The following ALS2 variants were observed in gnomAD, a reference collection of about 807,000 sequenced individuals.
ALS2 encodes alsin Rho guanine nucleotide exchange factor ALS2.
Under a neutral mutation model 203.4 loss-of-function variants are expected in ALS2, and 117 were observed. The ratio of observed to expected loss-of-function variants is 0.58; its 90% confidence interval spans 0.50 to 0.67. The LOEUF (loss-of-function observed/expected upper bound fraction) is 0.67, where lower values mean the gene tolerates loss of function less well. Among genes scored for constraint, ALS2 ranks in the 30% least tolerant of loss-of-function variants. The probability of loss-of-function intolerance (pLI) is 0.00; values close to 1 mark genes in which losing one functional copy is unlikely to be tolerated. For synonymous variants in ALS2, 718 were observed against 725.9 expected (o/e 0.99, Z 0.17); for missense variants, 1,715 against 1,989.4 (o/e 0.86, Z 2.62).
chr2:201,724,228 G>T, intron 21 of ALS2, 67 bp downstream of exon 21: 1 of 1,509,100 alleles, frequency 6.6e-7, no homozygotes, highest in Non-Finnish European at 9.2e-7. Context: ...AGTATAAACT[G>T]CTTGTTAAAT....
In ALS2 at chr2:201,761,412, C is replaced by T. The variant is rs1262259346; in HGVS notation, c.582G>A (p.Lys194=). ...TTAFPVTKPQ[K]VEHLAGRVVL... ...CCACTCGCCCAGCAAGATGTTCTAC[C>T]TTTTGCGGCTTTGTCACTGGGAAGG... Residue 194 remains lysine, a synonymous_variant, in exon 4 of 34, where the codon AAG becomes AAA. Transcript: ENST00000264276. 1 of 1,608,450 alleles carries T rather than the reference C, an allele frequency of 6.2e-7. No individual in the cohort carries two copies. Among genetic ancestry groups the T allele is most frequent in the Non-Finnish European group, 8.5e-7 (1 of 1,175,764 alleles).
intron 33 of ALS2, among the ~76,000 whole-genome samples, chr2:201,702,287 A>G (rs568172444): frequency 1.6e-4 from 24 of 152,084 alleles, no homozygotes; most frequent in Admixed American, 4.6e-4. Context: ...GCATCATTGC[A>G]GACCTGGGGA....
chr2:201,771,627 T>G (rs1694387362), intron 1 of ALS2, among the ~76,000 whole-genome samples: 1 of 152,218 alleles, frequency 6.6e-6, no homozygotes. Context: ...GAAAAACTTT[T>G]GTCTTTCTAA....
intron 19 of ALS2, among the ~76,000 whole-genome samples, chr2:201,726,190 C>T (rs547251130): frequency 6.6e-6 from 1 of 152,002 alleles, no homozygotes; most frequent in East Asian, 1.9e-4. Context: ...TTAACATTAC[C>T]AAAGATCTCA....
At position 201,738,353 on chromosome 2, in the gene ALS2, A is replaced by G. The variant is rs181328986; in HGVS notation, c.2417+317T>C. 3.3e-5 allele frequency among the ~76,000 whole-genome samples: 5 copies of G among 152,276 alleles called. No individual in the cohort carries two copies. The East Asian group carries it at 9.7e-4, about 29-fold the overall frequency. ...ACATTATTTGTTCCTCTCCAATGGG[A>G]GAGAACATTCCCATTTTTCAGATGA... On this transcript the variant is annotated intron_variant, in intron 12 of 33. Transcript: ENST00000264276.
At chr2:201,760,547 T>C in intron 4 of ALS2, 1 of 1,068,200 alleles carries the variant, frequency 9.4e-7, no homozygotes, top group Non-Finnish European at 1.1e-6. Flanking sequence ...TGTGAATCTC[T>C]AGTTATATTA....
At chr2:201,772,692 C>G (rs1694455911) in intron 1 of ALS2, among the ~76,000 whole-genome samples, 1 of 152,116 alleles carries the variant, frequency 6.6e-6, no homozygotes, top group Non-Finnish European at 1.5e-5. Flanking sequence ...AATCTATATT[C>G]AAAAACAACT....
chr2:201,725,588 A>C (rs1164863444), intron 19 of ALS2, 134 bp from the exon 20 acceptor site: 39 of 806,456 alleles, frequency 4.8e-5, no homozygotes, highest in Non-Finnish European at 6.8e-5. Context: ...GGGTTAAAAC[A>C]GCATCTTGGT....
chr2:201,775,644 C>G (rs1220402189), intron 1 of ALS2, among the ~76,000 whole-genome samples: 4 of 152,074 alleles, frequency 2.6e-5, no homozygotes, highest in Admixed American at 6.6e-5. Flanking sequence ...TGCACTGAAG[C>G]CTTGGCCAAC....
chr2:201,715,681 T>C lies in ALS2; in HGVS notation c.3995A>G (p.His1332Arg). Residue 1332 changes from histidine to arginine, a missense_variant, in exon 25 of 34, where the codon CAC becomes CGC. By Grantham distance (29) the His-to-Arg change is conservative (BLOSUM62 0). Transcript: ENST00000264276. ...AVALTTSRRQ[H>R]RDSPEILSRS... ...GCAGGTGTTCACTCACCTGTCTCTG[T>C]GCTGGCGCCGACTGGTGGTCAAGGC... 6.2e-7 allele frequency: 1 copy of C among 1,614,224 alleles called. No individual in the cohort carries two copies. Among genetic ancestry groups the C allele is most frequent in the Non-Finnish European group, 8.5e-7 (1 of 1,180,032 alleles).
chr2:201,722,771 T>C, intron 23 of ALS2: 1 of 450,180 alleles, frequency 2.2e-6, no homozygotes, highest in Non-Finnish European at 3.9e-6. Flanking sequence ...AAAAGGCAAA[T>C]CTATAGAGTG....
chr2:201,772,850 A>ATTTTTTTTTTTTTTTTTTTTTTTTTTTTT (rs578253808), intron 1 of ALS2, among the ~76,000 whole-genome samples: 1 of 108,846 alleles, frequency 9.2e-6, no homozygotes, highest in African/African-American at 3.6e-5. Flanking sequence ...TGCTTTCATG[A>ATTTTTTTTTTTTTTTTTTTTTTTTTTTTT]TTTTTTTTTT....
Position 201,709,902 on chromosome 2 carries a change from T to G in ALS2, c.4259A>C (p.Lys1420Thr), listed in dbSNP as rs1689932114. ...TTACCTCACCAGCTGGAAAATTCGC[T>G]TAAGATAGGACTTAATCTCCTTTAC... ...EAVKEIKSYL[K>T]RIFQLVRFLF... The change falls in exon 27 of 34, where the codon AAG (lysine) becomes ACG (threonine). Residue 1420 changes from lysine to threonine, a missense_variant. Physicochemically the swap from Lys to Thr is moderately conservative, Grantham distance 78 (BLOSUM62 -1). This residue lies in a region of ALS2 where 1,227 missense variants were observed against 1,413.5 expected (regional missense o/e 0.87). Coordinates refer to ENST00000264276, the MANE Select transcript of ALS2 (RefSeq NM_020919.4). 6.2e-7 allele frequency: 1 copy of G among 1,614,028 alleles called. No individual in the cohort carries two copies. The highest frequency in any genetic ancestry group is 1.1e-5 in the South Asian group (1 of 91,086).
intron 13 of ALS2, among the ~76,000 whole-genome samples, chr2:201,730,671 TCTCAA>T (rs113202966): frequency 0.086 from 13,008 of 151,728 alleles, 606 homozygotes; most frequent in Middle Eastern, 0.11. Flanking sequence ...CAAGAGGAGC[TCTCAA>T]CTCAACTATC....
Position 201,754,526 on chromosome 2 carries a change from C to G in ALS2, c.1617G>C (p.Leu539=). The G allele has an allele frequency of 6.2e-7, 1 of 1,614,124 alleles. No homozygotes were observed. Among genetic ancestry groups the G allele is most frequent in the Non-Finnish European group, 8.5e-7 (1 of 1,180,006 alleles). The change falls in exon 6 of 34, where the codon CTG becomes CTC. Residue 539 remains leucine, a synonymous_variant. Coordinates refer to ENST00000264276, the MANE Select transcript of ALS2 (RefSeq NM_020919.4). ...ACCTAGGCAGAACATCGCCGTGCCC[C>G]AGCTGCCCTTCCTTCCCTTTCCCCC... The part of the protein sequence containing the change: ...WTWGKGKEGQ[L]GHGDVLPRLQ...
Position 201,764,634 on chromosome 2 carries a change from AAAATAAATAAATAAAT to A in ALS2, c.175+2579_175+2594del, listed in dbSNP as rs201734315. Among the ~76,000 whole-genome samples, 483 of 142,250 alleles carry A rather than the reference AAAATAAATAAATAAAT, an allele frequency of 3.4e-3. 2 individuals are homozygous for A. The highest frequency in any genetic ancestry group is 9.9e-3 in the African/African-American group (376 of 37,986). The allele number at this position is 142,250 out of a possible 152,430, so 93.3% of individuals were successfully genotyped here. A position where few individuals can be genotyped will look rare whatever the true frequency, so the allele number is the denominator to read the frequency against. On this transcript the variant is annotated intron_variant, in intron 3 of 33. Transcript: ENST00000264276. ...GGGCAACAGAGCGAGACTCCGTCTC[AAAATAAATAAATAAAT>A]AAATAAATAAATAAATAAATAAATA... is the stretch of plus-strand genomic sequence containing the variant.
chr2:201,763,855 C>T (rs1439995472), intron 3 of ALS2, among the ~76,000 whole-genome samples: 1 of 152,156 alleles, frequency 6.6e-6, no homozygotes, highest in Non-Finnish European at 1.5e-5. Context: ...AAAGACTTGG[C>T]TACGGGTTTT....
At chr2:201,720,312 C>T (rs543073155) in intron 23 of ALS2, among the ~76,000 whole-genome samples, 56 of 152,180 alleles carry the variant, frequency 3.7e-4, no homozygotes, top group Non-Finnish European at 6.8e-4. Context: ...GTTGGTTTAA[C>T]ATCAGACAAG....
chr2:201,704,152 C>T lies in ALS2; in HGVS notation c.4905G>A (p.Gly1635=), dbSNP rs774443143. ...EDLMDPYLQH[G]EQGIMFTTLK... is the part of the protein sequence containing the mutation. ...AGGTGGTGAACATTATACCCTGTTC[C>T]CCATGCTGAAGATAGGGGTCCATTA... Residue 1635 remains glycine, a synonymous_variant, in exon 33 of 34, where the codon GGG becomes GGA. Coordinates refer to ENST00000264276, the MANE Select transcript of ALS2 (RefSeq NM_020919.4). 4 of 1,613,426 alleles carry T rather than the reference C, an allele frequency of 2.5e-6. No homozygotes were observed. The Admixed American group carries it at 5.0e-5, about 20-fold the overall frequency.
Sources: gnomAD v4.1 joint callset for allele counts (sites outside exome capture counted in the v4.1 genomes callset) on GRCh38, gnomAD v4.1.1 for gene constraint, gnomAD v4.1.1 regional missense constraint, MANE v1.5 for transcripts, NCBI Gene and HGNC (gene_info 2026-07-23, HGNC 2026-07-21) for gene names.